COBLL1: variants seen among roughly 807,000 people sequenced by gnomAD.
The protein encoded by COBLL1 is cordon-bleu protein-like 1.
COBLL1 carries 50 observed loss-of-function variants against 94.8 expected under a neutral mutation model. That is an observed-to-expected ratio of 0.53 (90% CI 0.42 to 0.67). The LOEUF (loss-of-function observed/expected upper bound fraction) is 0.67. COBLL1 is among the 30% of genes least tolerant of loss of function. The pLI is 0.00. For synonymous variants in COBLL1, 448 were observed against 473.8 expected (o/e 0.95, Z 0.71); for missense variants, 1,362 against 1,348.7 (o/e 1.01, Z -0.15).
chr2:164,824,179 C>T (rs1027270831), intron 2 of COBLL1, among the ~76,000 whole-genome samples: 5 of 151,914 alleles, frequency 3.3e-5, no homozygotes, highest in Non-Finnish European at 4.4e-5. Flanking sequence ...GTCAGAAGTT[C>T]GAGACCAGCC....
chr2:164,668,379 T>C (rs1048700692), intron 1 of COBLL1, among the ~76,000 whole-genome samples: 1 of 152,222 alleles, frequency 6.6e-6, no homozygotes, highest in Non-Finnish European at 1.5e-5. Context: ...ACTGTAGGGT[T>C]AATTGGCCTA....
chr2:164,808,374 A>T (rs1168937089), intron 2 of COBLL1, among the ~76,000 whole-genome samples: 1 of 152,138 alleles, frequency 6.6e-6, no homozygotes, highest in Non-Finnish European at 1.5e-5. Context: ...GGTAAGGTTT[A>T]CAATTTTTGA....
chr2:164,716,669 G>C (rs920690999), intron 7 of COBLL1, among the ~76,000 whole-genome samples: 2 of 152,100 alleles, frequency 1.3e-5, no homozygotes, highest in African/African-American at 4.8e-5. Context: ...TTGCTAACTT[G>C]GATCTTTGCT....
Position 164,695,760 on chromosome 2 carries a change from G to GATT in COBLL1, c.1629_1631dup (p.Ile544dup). ...TATTTTTGGCAACACCTTCTACATT[G>GATT]ATTTCTGTTTTCTTCACTCCATTTT... is the stretch of plus-strand genomic sequence containing the variant. On this transcript the variant is annotated inframe_insertion, in exon 12 of 14. Transcript: ENST00000652658. 6.2e-7 allele frequency: 1 copy of GATT among 1,612,754 alleles called. No homozygotes were observed. The highest frequency in any genetic ancestry group is 8.5e-7 in the Non-Finnish European group (1 of 1,179,494).
chr2:164,741,058 C>G (rs1232414124), intron 3 of COBLL1, among the ~76,000 whole-genome samples: 1 of 151,944 alleles, frequency 6.6e-6, no homozygotes, highest in East Asian at 1.9e-4. Flanking sequence ...GGTGGATCAC[C>G]TGAGGTCAGG....
chr2:164,735,676 G>A (rs891416178), intron 3 of COBLL1, among the ~76,000 whole-genome samples: 1 of 152,144 alleles, frequency 6.6e-6, no homozygotes, highest in Non-Finnish European at 1.5e-5. Context: ...TAAAATAATC[G>A]CTTGAATAGA....
intron 2 of COBLL1, among the ~76,000 whole-genome samples, chr2:164,807,497 T>C (rs1397705382): frequency 1.3e-5 from 2 of 152,074 alleles, no homozygotes; most frequent in East Asian, 3.9e-4. Context: ...AATCATTAAT[T>C]ACTACTTATA....
At chr2:164,720,300 A>G (rs1685379405) in intron 7 of COBLL1, among the ~76,000 whole-genome samples, 1 of 152,100 alleles carries the variant, frequency 6.6e-6, no homozygotes, top group African/African-American at 2.4e-5. Flanking sequence ...ATTACTTAAC[A>G]CAGGGGCAGC....
intron 2 of COBLL1, among the ~76,000 whole-genome samples, chr2:164,787,093 G>A (rs1009995888): frequency 1.2e-4 from 18 of 152,058 alleles, no homozygotes; most frequent in African/African-American, 4.3e-4. Context: ...ACTTAACTTC[G>A]AGTTGCCTTC....
rs763648473 is a variant in COBLL1, at chr2:164,695,306, A to G, written c.2086T>C (p.Ser696Pro). The change falls in exon 12 of 14, where the codon TCC becomes CCC. Residue 696 changes from serine (S) to proline (P), a missense_variant. Transcript: ENST00000652658. ...LPPVDRIDKN[S>P]TASYLKNYPL... Reference sequence around the variant, plus strand: ...TAATTCTTTAGGTAAGAAGCAGTGGAATTTTTGTCAATCCTATCTACAGGA... The same window carrying G: ...TAATTCTTTAGGTAAGAAGCAGTGGGATTTTTGTCAATCCTATCTACAGGA... 1.9e-6 allele frequency: 3 copies of G among 1,613,862 alleles called. No individual in the cohort carries two copies. In the South Asian group the frequency reaches 3.3e-5, roughly 18 times the overall value.
At chr2:164,813,940 G>A (rs1252195986) in intron 2 of COBLL1, among the ~76,000 whole-genome samples, 3 of 152,200 alleles carry the variant, frequency 2.0e-5, no homozygotes, top group Admixed American at 2.0e-4. Flanking sequence ...GACAGAGGCT[G>A]TGAGAATCAA....
chr2:164,716,955 T>C (rs1015591173), intron 7 of COBLL1, among the ~76,000 whole-genome samples: 4 of 152,182 alleles, frequency 2.6e-5, no homozygotes, highest in African/African-American at 9.6e-5. Flanking sequence ...AAGGCAAACA[T>C]AGTTTCTGTG....
chr2:164,814,792 C>T (rs567870069), intron 2 of COBLL1, among the ~76,000 whole-genome samples: 5 of 152,174 alleles, frequency 3.3e-5, no homozygotes, highest in African/African-American at 1.2e-4. Flanking sequence ...TAAACTATAC[C>T]TCAACTTTAG....
At chr2:164,755,638 T>C (rs1469320694) in intron 2 of COBLL1, among the ~76,000 whole-genome samples, 2 of 152,216 alleles carry the variant, frequency 1.3e-5, no homozygotes, top group Non-Finnish European at 2.9e-5. Flanking sequence ...AGTTGTCATA[T>C]ACCCAGAAAG....
intron 7 of COBLL1, among the ~76,000 whole-genome samples, chr2:164,717,324 C>T (rs1685219536): frequency 1.3e-5 from 2 of 152,174 alleles, no homozygotes; most frequent in South Asian, 4.1e-4. Context: ...TTTTCCTCAA[C>T]ATGCTATCAT....
chr2:164,734,228 A>T (rs1452417148), intron 3 of COBLL1, among the ~76,000 whole-genome samples: 1 of 152,046 alleles, frequency 6.6e-6, no homozygotes, highest in African/African-American at 2.4e-5. Context: ...AAAAAAAAAA[A>T]AATAAGGAAA....
In COBLL1 at chr2:164,692,013, A is replaced by C. The variant is rs73968223; in HGVS notation, c.3300+208T>G. Among the ~76,000 whole-genome samples the C allele has an allele frequency of 0.018, 2,757 of 152,300 alleles. 58 individuals carry two copies. Among genetic ancestry groups the C allele is most frequent in the African/African-American group, 0.055 (2,296 of 41,568 alleles). ...GAATGAACAAAATTCATGTTCTGCAACTGGCCCATGTTGTGGAAAATAGAC... is the reference window on the plus strand; with the variant it reads ...GAATGAACAAAATTCATGTTCTGCACCTGGCCCATGTTGTGGAAAATAGAC... On this transcript the variant is annotated intron_variant, in intron 13 of 13. Transcript: ENST00000652658.
chr2:164,833,043 CAAAAACAAA>C (rs1683148404), intron 2 of COBLL1, among the ~76,000 whole-genome samples: 1 of 150,814 alleles, frequency 6.6e-6, no homozygotes, highest in Non-Finnish European at 1.5e-5. Context: ...AACTCCATCT[CAAAAACAAA>C]AAAAACAAAA....
intron 2 of COBLL1, among the ~76,000 whole-genome samples, chr2:164,805,337 C>CTCTCTCTCTCTCTATATATATA (rs758137553): frequency 5.9e-5 from 1 of 17,050 alleles, no homozygotes; most frequent in African/African-American, 2.3e-4. Flanking sequence ...CTCTCTCTCT[C>CTCTCTCTCTCTCTATATATATA]TATATATATA....
Sources: allele counts gnomAD v4.1 joint callset (sites outside exome capture counted in the v4.1 genomes callset), GRCh38; gene constraint gnomAD v4.1.1; transcripts MANE v1.5; gene names NCBI Gene and HGNC (gene_info 2026-07-23, HGNC 2026-07-21).